Variants in EFL1 observed in about 807,000 individuals in gnomAD.
The protein encoded by EFL1 is elongation factor like GTPase 1.
EFL1 carries 76 observed loss-of-function variants against 126.7 expected under a neutral mutation model. The ratio of observed to expected loss-of-function variants is 0.60; its 90% confidence interval spans 0.50 to 0.73. EFL1 has a LOEUF of 0.73. Ranked by LOEUF, EFL1 falls within the 30% of genes least tolerant of loss-of-function variation. The pLI, the probability that EFL1 is intolerant of heterozygous loss-of-function variation, is 0.00. For synonymous variants in EFL1, 410 were observed against 448.4 expected (o/e 0.91, Z 1.08); for missense variants, 1,128 against 1,343.2 (o/e 0.84, Z 2.50).
At chr15:82,142,566 G>A (rs1310180478) in intron 18 of EFL1, among the ~76,000 whole-genome samples, 1 of 152,146 alleles carries the variant, frequency 6.6e-6, no homozygotes. Context: ...AACCAGGGAA[G>A]AGGAATTCAT....
intron 15 of EFL1, among the ~76,000 whole-genome samples, chr15:82,208,638 GT>G (rs1269891405): frequency 6.6e-6 from 1 of 151,860 alleles, no homozygotes; most frequent in East Asian, 1.9e-4. Flanking sequence ...ATCGAGTGCT[GT>G]TTTTTTTAAC....
intron 7 of EFL1, among the ~76,000 whole-genome samples, chr15:82,235,633 G>A (rs966506780): frequency 8.5e-5 from 13 of 152,066 alleles, no homozygotes; most frequent in African/African-American, 3.1e-4. Flanking sequence ...AAAGGTATGT[G>A]ACAAAACTTG....
intron 8 of EFL1, 64 bp downstream of exon 8, chr15:82,230,784 A>T (rs1421953417): frequency 6.6e-7 from 1 of 1,517,118 alleles, no homozygotes; most frequent in Non-Finnish European, 8.8e-7. Flanking sequence ...TAAAGATATT[A>T]CAGTATAGGT....
At chr15:82,246,892 G>A (rs1245338855) in intron 4 of EFL1, among the ~76,000 whole-genome samples, 1 of 152,140 alleles carries the variant, frequency 6.6e-6, no homozygotes, top group Non-Finnish European at 1.5e-5. Context: ...AGACCTAACA[G>A]TGAGAGATGG....
At chr15:82,204,386 C>CAA (rs34231343) in intron 15 of EFL1, among the ~76,000 whole-genome samples, 9,431 of 147,998 alleles carry the variant, frequency 0.064, 436 homozygotes, top group African/African-American at 0.12. Context: ...TTTTGGAAAT[C>CAA]AAAAAAAAAA....
chr15:82,211,457 C>T (rs556267306), intron 15 of EFL1, among the ~76,000 whole-genome samples: 3 of 149,978 alleles, frequency 2.0e-5, no homozygotes, highest in Middle Eastern at 3.4e-3. Context: ...ACCTGGGAGG[C>T]GGAGGTTACA....
intron 15 of EFL1, among the ~76,000 whole-genome samples, chr15:82,204,959 A>G (rs2074508821): frequency 6.6e-6 from 1 of 152,202 alleles, no homozygotes; most frequent in Non-Finnish European, 1.5e-5. Flanking sequence ...CAACTACTGT[A>G]CCTGAAATAG....
intron 4 of EFL1, among the ~76,000 whole-genome samples, chr15:82,252,350 T>C (rs2075030144): frequency 1.3e-5 from 2 of 152,228 alleles, no homozygotes; most frequent in Admixed American, 1.3e-4. Context: ...ACCTTTAATC[T>C]ACTCCAAATC....
chr15:82,146,396 G>T (rs989813158), intron 18 of EFL1, among the ~76,000 whole-genome samples: 6 of 152,086 alleles, frequency 3.9e-5, no homozygotes, highest in African/African-American at 1.4e-4. Context: ...GAAGCAAAAG[G>T]CCTTAGGAAC....
chr15:82,198,896 G>A (rs1340685977), intron 15 of EFL1, among the ~76,000 whole-genome samples: 1 of 152,116 alleles, frequency 6.6e-6, no homozygotes, highest in African/African-American at 2.4e-5. Context: ...CACCCAGTAT[G>A]AGAAACCTAA....
intron 16 of EFL1, among the ~76,000 whole-genome samples, chr15:82,158,937 G>T (rs1397894390): frequency 6.6e-6 from 1 of 152,184 alleles, no homozygotes; most frequent in Admixed American, 6.5e-5. Context: ...TGTGTTCAAG[G>T]TCCCAGACTA....
Position 82,252,598 on chromosome 15 carries a change from G to A in EFL1, c.244+93C>T, listed in dbSNP as rs1029143870. Reference sequence around the variant, plus strand: ...CCAGAATAAAATACGTGGAATATAAGCAAAGAAACTGAGGCATGCAATTAA... The same window carrying A: ...CCAGAATAAAATACGTGGAATATAAACAAAGAAACTGAGGCATGCAATTAA... On this transcript the variant is annotated intron_variant, in intron 4 of 19. Coordinates refer to ENST00000268206, the MANE Select transcript of EFL1 (RefSeq NM_024580.6). 20 of 957,748 alleles carry A rather than the reference G, an allele frequency of 2.1e-5. No individual in the cohort carries two copies. In the Admixed American group the frequency reaches 3.5e-4, roughly 17 times the overall value. 59.3% of individuals were successfully genotyped at this position (957,748 alleles called of 1,614,324 possible).
At chr15:82,209,597 C>A (rs1203077715) in intron 15 of EFL1, among the ~76,000 whole-genome samples, 1 of 152,122 alleles carries the variant, frequency 6.6e-6, no homozygotes, top group East Asian at 1.9e-4. Context: ...TTAATAGGAG[C>A]CTGCAGCAAA....
At position 82,240,684 on chromosome 15, in the gene EFL1, C is replaced by G. The variant is rs2074922135; in HGVS notation, c.379-129G>C. 6 of 1,038,508 alleles carry G rather than the reference C, an allele frequency of 5.8e-6. No individual in the cohort carries two copies. The Admixed American group carries it at 1.3e-4, about 22-fold the overall frequency. The allele number at this position is 1,038,508 out of a possible 1,614,324, so 64.3% of individuals were successfully genotyped here. ...AAGGTATTCATTAGGCATTCACAAA[C>G]TATGTATACAGCGGAGTAGCAAAGA... On this transcript the variant is annotated intron_variant, in intron 5 of 19. Coordinates refer to ENST00000268206, the MANE Select transcript of EFL1 (RefSeq NM_024580.6).
chr15:82,164,821 T>G (rs926722482), intron 15 of EFL1, among the ~76,000 whole-genome samples: 1 of 145,586 alleles, frequency 6.9e-6, no homozygotes, highest in African/African-American at 2.6e-5. Flanking sequence ...TGCTTGAACC[T>G]GGGAGGCGGG....
intron 3 of EFL1, among the ~76,000 whole-genome samples, chr15:82,257,495 C>G (rs2075076500): frequency 6.6e-6 from 1 of 152,114 alleles, no homozygotes; most frequent in Non-Finnish European, 1.5e-5. Context: ...TGTTCCTCAA[C>G]AATGTCAATG....
chr15:82,188,190 A>T (rs901724710), intron 15 of EFL1, among the ~76,000 whole-genome samples: 1 of 152,142 alleles, frequency 6.6e-6, no homozygotes, highest in African/African-American at 2.4e-5. Flanking sequence ...TCAAACTTTG[A>T]ACTGCTTTAT....
chr15:82,252,220 C>G (rs2075028565), intron 4 of EFL1, among the ~76,000 whole-genome samples: 1 of 152,160 alleles, frequency 6.6e-6, no homozygotes, highest in South Asian at 2.1e-4. Context: ...TAGTGAATAT[C>G]AGTGACATGT....
At chr15:82,228,928 AT>A (rs2141313822) in intron 9 of EFL1, 105 bp downstream of exon 9, 1 of 963,248 alleles carries the variant, frequency 1.0e-6, no homozygotes, top group East Asian at 2.6e-5. Context: ...AGCTCTGTTC[AT>A]TTTCTCAGAA....
Sources: allele counts gnomAD v4.1 joint callset (sites outside exome capture counted in the v4.1 genomes callset), GRCh38; gene constraint gnomAD v4.1.1; transcripts MANE v1.5; gene names NCBI Gene and HGNC (gene_info 2026-07-23, HGNC 2026-07-21).